The following ANKRD36B variants were observed in gnomAD, a reference collection of about 807,000 sequenced individuals.
ANKRD36B encodes ankyrin repeat domain 36B, also known as ankyrin repeat domain-containing protein 36B.
In ANKRD36B, 37 loss-of-function variants were observed where a neutral mutation model predicts 135.7. That is an observed-to-expected ratio of 0.27 (90% CI 0.21 to 0.36). The LOEUF is 0.36. Ranked by LOEUF, ANKRD36B falls within the 10% of genes least tolerant of loss-of-function variation. The pLI is 1.00. For synonymous variants in ANKRD36B, 179 were observed against 348.1 expected (o/e 0.51, Z 5.41); for missense variants, 549 against 1,037.1 (o/e 0.53, Z 6.46).
intron 18 of ANKRD36B, 52 bp downstream of exon 18, chr2:97,551,237 A>T: frequency 2.0e-6 from 3 of 1,534,624 alleles, no homozygotes; most frequent in Non-Finnish European, 1.7e-6. Context: ...TTCGGGGAAG[A>T]GAACTTCTTA....
chr2:97,589,202 C>T (rs1158928166), intron 1 of ANKRD36B, among the ~76,000 whole-genome samples: 1 of 119,830 alleles, frequency 8.3e-6, no homozygotes, highest in Non-Finnish European at 1.7e-5. Context: ...CCCATTGAAC[C>T]CTCACCCCAT....
chr2:97,549,825 A>G (rs1391022237), intron 18 of ANKRD36B, among the ~76,000 whole-genome samples: 4 of 151,958 alleles, frequency 2.6e-5, no homozygotes, highest in Non-Finnish European at 5.9e-5. Flanking sequence ...TACAATTTCA[A>G]ACATGGTATG....
intron 6 of ANKRD36B, among the ~76,000 whole-genome samples, chr2:97,563,995 A>AT (rs2081247903): frequency 6.6e-6 from 1 of 151,676 alleles, no homozygotes; most frequent in East Asian, 1.9e-4. Context: ...TAGATCTGAA[A>AT]TATATATCAC....
intron 12 of ANKRD36B, among the ~76,000 whole-genome samples, chr2:97,555,885 A>T (rs1210647718): frequency 1.3e-5 from 2 of 151,908 alleles, no homozygotes; most frequent in Admixed American, 1.3e-4. Context: ...TAGCCTTCAG[A>T]AATTTTCTTC....
At chr2:97,546,058 T>A (rs1463538398) in intron 22 of ANKRD36B, among the ~76,000 whole-genome samples, 197 bp from the exon 23 acceptor site, 1 of 151,614 alleles carries the variant, frequency 6.6e-6, no homozygotes, top group African/African-American at 2.4e-5. Flanking sequence ...ATGAAATATA[T>A]CCTTACAATT....
Position 97,539,304 on chromosome 2 carries a change from A to C in ANKRD36B, c.1987+730T>G, listed in dbSNP as rs546689919. ...AGTTAGCTAATTGAAAAGCCAATAT[A>C]TGCATATTCATGTTTATTTCATTTG... is the stretch of plus-strand genomic sequence containing the variant. On this transcript the variant is annotated intron_variant, in intron 30 of 43. Transcript: ENST00000359901. Among the ~76,000 whole-genome samples, 2 of 97,130 alleles carry C rather than the reference A, an allele frequency of 2.1e-5. 1 individual carries two copies. Among genetic ancestry groups the C allele is most frequent in the South Asian group, 4.7e-4 (2 of 4,298 alleles). 63.7% of individuals were successfully genotyped at this position (97,130 alleles called of 152,430 possible).
chr2:97,562,917 C>A (rs1399249785), intron 6 of ANKRD36B, among the ~76,000 whole-genome samples: 3 of 152,014 alleles, frequency 2.0e-5, no homozygotes, highest in Non-Finnish European at 4.4e-5. Flanking sequence ...GAGTATCTAT[C>A]ATCTCTTATT....
At chr2:97,587,408 C>T (rs894097429) in intron 1 of ANKRD36B, among the ~76,000 whole-genome samples, 1 of 152,090 alleles carries the variant, frequency 6.6e-6, no homozygotes, top group Non-Finnish European at 1.5e-5. Context: ...TTACTAACAC[C>T]ATAGATTGTT....
rs771325469 is a variant in ANKRD36B at position 97,549,623 on chromosome 2, CA to C, written c.1376-10del. 1.7e-5 allele frequency: 27 copies of C among 1,607,844 alleles called. No homozygotes were observed. In the Admixed American group the frequency reaches 4.4e-4, roughly 26 times the overall value. ...TGGTTTCTGAGAAGACACTGAAAAG[CA>C]AAAGGGATTCATAATCACTCATATG... On this transcript the variant is annotated splice_polypyrimidine_tract_variant and intron_variant, in intron 18 of 43. Coordinates refer to ENST00000359901, the MANE Select transcript of ANKRD36B (RefSeq NM_001393939.1).
At chr2:97,562,661 T>C (rs1559200174) in intron 6 of ANKRD36B, among the ~76,000 whole-genome samples, 1 of 152,052 alleles carries the variant, frequency 6.6e-6, no homozygotes, top group African/African-American at 2.4e-5. Context: ...AAATCTAATA[T>C]CCATATTGGT....
chr2:97,576,810 A>G (rs1176290551), intron 5 of ANKRD36B, among the ~76,000 whole-genome samples: 6 of 151,962 alleles, frequency 3.9e-5, no homozygotes, highest in African/African-American at 9.7e-5. Context: ...ACCTTCTTTC[A>G]CTAGGTTGTT....
chr2:97,519,966 A>G (rs1281456259), intron 36 of ANKRD36B, among the ~76,000 whole-genome samples: 3 of 92,338 alleles, frequency 3.2e-5, no homozygotes, highest in African/African-American at 9.4e-5. Context: ...GGGGTATACA[A>G]AAAAATATCT....
At chr2:97,559,157 A>G (rs997969420) in intron 8 of ANKRD36B, among the ~76,000 whole-genome samples, 163 bp from the exon 9 acceptor site, 2 of 151,784 alleles carry the variant, frequency 1.3e-5, no homozygotes, top group Non-Finnish European at 2.9e-5. Context: ...ACAGAAATAC[A>G]CTGAAAAAAA....
intron 12 of ANKRD36B, 75 bp downstream of exon 12, chr2:97,556,862 A>G (rs1333569114): frequency 3.9e-6 from 6 of 1,527,318 alleles, no homozygotes; most frequent in Non-Finnish European, 2.6e-6. Context: ...ATGACACCCC[A>G]CTGATCTATT....
intron 6 of ANKRD36B, among the ~76,000 whole-genome samples, chr2:97,575,370 G>C (rs1466287393): frequency 2.0e-5 from 3 of 151,942 alleles, no homozygotes; most frequent in African/African-American, 7.3e-5. Context: ...GGAGGGAAGG[G>C]AAGTTATTCT....
At chr2:97,570,261 C>T (rs2081751709) in intron 6 of ANKRD36B, among the ~76,000 whole-genome samples, 1 of 152,106 alleles carries the variant, frequency 6.6e-6, no homozygotes, top group Admixed American at 6.5e-5. Context: ...TATTCACTAT[C>T]AAATAGAATT....
chr2:97,538,844 A>G (rs1191666390), intron 30 of ANKRD36B, among the ~76,000 whole-genome samples: 1 of 97,002 alleles, frequency 1.0e-5, no homozygotes, highest in South Asian at 2.3e-4. Flanking sequence ...TGACACTTTA[A>G]TAGAATGTAC....
intron 6 of ANKRD36B, among the ~76,000 whole-genome samples, chr2:97,575,967 C>T (rs1342765700): frequency 6.6e-6 from 1 of 150,920 alleles, no homozygotes; most frequent in Non-Finnish European, 1.5e-5. Context: ...GCACTAAATC[C>T]CATGTTGTTC....
chr2:97,563,715 G>T (rs542466511), intron 6 of ANKRD36B, among the ~76,000 whole-genome samples: 14 of 152,240 alleles, frequency 9.2e-5, no homozygotes, highest in East Asian at 5.8e-4. Context: ...ATGTCAAAAA[G>T]ACATGCTTTA....
Sources: gnomAD v4.1 joint callset for allele counts (sites outside exome capture counted in the v4.1 genomes callset) on GRCh38, gnomAD v4.1.1 for gene constraint, MANE v1.5 for transcripts, NCBI Gene and HGNC (gene_info 2026-07-23, HGNC 2026-07-21) for gene names.